The following POU2AF2 variants were observed in gnomAD, a reference collection of about 807,000 sequenced individuals.
POU2AF2 encodes the protein POU class 2 homeobox associating factor 2.
the POU2AF2 span, chr11:111,286,350 C>A: frequency 3.5e-6 from 1 of 282,674 alleles, no homozygotes; most frequent in Non-Finnish European, 6.5e-6. Context: ...TTTGAAGTAT[C>A]ATTTTTGGCA....
At chr11:111,283,463 T>A in the POU2AF2 span, among the ~76,000 whole-genome samples, 1 of 152,098 alleles carries the variant, frequency 6.6e-6, no homozygotes, top group African/African-American at 2.4e-5. Context: ...ATAAAACTCA[T>A]CAAAACCCTA....
chr11:111,249,559 A>G, the POU2AF2 span, among the ~76,000 whole-genome samples: 1 of 152,262 alleles, frequency 6.6e-6, no homozygotes, highest in South Asian at 2.1e-4. Context: ...AACCCCAGAG[A>G]AAGATTTCAC....
chr11:111,276,451 AAAATATATATAT>A, the POU2AF2 span, among the ~76,000 whole-genome samples: 755 of 41,972 alleles, frequency 0.018, 26 homozygotes, highest in African/African-American at 0.05. Context: ...AAAAAAAAAA[AAAATATATATAT>A]ATATATATAT....
the POU2AF2 span, among the ~76,000 whole-genome samples, chr11:111,255,195 C>T: frequency 0.99 from 150,808 of 152,302 alleles, 74,688 homozygotes; most frequent in East Asian, 1. Flanking sequence ...TACTACAAAC[C>T]GACCTAAGTC....
chr11:111,258,875 C>T, the POU2AF2 span, among the ~76,000 whole-genome samples: 665 of 152,322 alleles, frequency 4.4e-3, 5 homozygotes, highest in African/African-American at 0.015. Flanking sequence ...AGGTTTTTAT[C>T]TCTCTTCAGA....
chr11:111,275,610 C>G, the POU2AF2 span, among the ~76,000 whole-genome samples: 1 of 152,162 alleles, frequency 6.6e-6, no homozygotes, highest in African/African-American at 2.4e-5. Flanking sequence ...ATTAGGCCAA[C>G]AAGATGTGAG....
chr11:111,248,193 G>C, the POU2AF2 span, among the ~76,000 whole-genome samples: 1 of 152,082 alleles, frequency 6.6e-6, no homozygotes, highest in Admixed American at 6.5e-5. Flanking sequence ...CATCTCCCCA[G>C]ATTAGAAGTG....
the POU2AF2 span, among the ~76,000 whole-genome samples, chr11:111,252,925 C>T: frequency 6.0e-3 from 915 of 152,262 alleles, 11 homozygotes; most frequent in African/African-American, 0.019. Context: ...GTCTGGCTTC[C>T]AGCCACCCCG....
At chr11:111,279,243 C>T in the POU2AF2 span, among the ~76,000 whole-genome samples, 2 of 152,184 alleles carry the variant, frequency 1.3e-5, no homozygotes, top group African/African-American at 2.4e-5. Context: ...TTTAGGTGCC[C>T]GCATCACCCC....
At chr11:111,285,501 A>G in the POU2AF2 span, 4 of 696,176 alleles carry the variant, frequency 5.7e-6, no homozygotes, top group African/African-American at 7.5e-5. Flanking sequence ...TGCTGGTGTC[A>G]AAAGCCGGAG....
chr11:111,274,763 CTATTTT>C, the POU2AF2 span, among the ~76,000 whole-genome samples: 1 of 151,904 alleles, frequency 6.6e-6, no homozygotes, highest in African/African-American at 2.4e-5. Context: ...GGATGCTTTT[CTATTTT>C]TAATTGTTGA....
the POU2AF2 span, among the ~76,000 whole-genome samples, chr11:111,284,617 C>A: frequency 6.6e-6 from 1 of 152,248 alleles, no homozygotes; most frequent in African/African-American, 2.4e-5. Context: ...GAGGAATGTG[C>A]AGCAGGATTT....
chr11:111,271,894 GT>G, the POU2AF2 span, among the ~76,000 whole-genome samples: 30 of 152,130 alleles, frequency 2.0e-4, no homozygotes, highest in Non-Finnish European at 3.7e-4. Flanking sequence ...AAGGGTGCCT[GT>G]AATCCCAGCT....
At chr11:111,280,060 ATATAT>A in the POU2AF2 span, among the ~76,000 whole-genome samples, 20 of 31,530 alleles carry the variant, frequency 6.3e-4, no homozygotes, top group Non-Finnish European at 1.0e-3. Flanking sequence ...AAAAAAAAAT[ATATAT>A]ATATATATAT....
chr11:111,267,606 T>G, the POU2AF2 span, among the ~76,000 whole-genome samples: 1 of 152,298 alleles, frequency 6.6e-6, no homozygotes, highest in East Asian at 1.9e-4. Flanking sequence ...TTCTTCCACT[T>G]TAGAAGGCAG....
the POU2AF2 span, among the ~76,000 whole-genome samples, chr11:111,279,491 T>C: frequency 4.9e-3 from 748 of 152,334 alleles, 6 homozygotes; most frequent in Non-Finnish European, 6.7e-3. Context: ...TGCCTCTTCC[T>C]AGCTGGCAGT....
chr11:111,269,182 C>T, the POU2AF2 span, among the ~76,000 whole-genome samples: 4 of 145,266 alleles, frequency 2.8e-5, no homozygotes, highest in South Asian at 7.0e-4. Context: ...ACCCCCTCCA[C>T]GAGCCTACAA....
the POU2AF2 span, among the ~76,000 whole-genome samples, chr11:111,264,939 G>A: frequency 7.1e-6 from 1 of 141,490 alleles, no homozygotes; most frequent in Admixed American, 7.1e-5. Context: ...AAAGAAAGAG[G>A]GAGGGAGGGA....
chr11:111,282,675 G>C, the POU2AF2 span, among the ~76,000 whole-genome samples: 1 of 152,192 alleles, frequency 6.6e-6, no homozygotes, highest in African/African-American at 2.4e-5. Flanking sequence ...CCTGTGGAAC[G>C]GGCTGGAATT....
Sources: allele counts gnomAD v4.1 joint callset (sites outside exome capture counted in the v4.1 genomes callset), GRCh38; gene constraint gnomAD v4.1.1; transcripts MANE v1.5; gene names NCBI Gene and HGNC (gene_info 2026-07-23, HGNC 2026-07-21).